The following GRID2 variants were observed in gnomAD, a reference collection of about 807,000 sequenced individuals.
GRID2 encodes glutamate ionotropic receptor delta type subunit 2.
In GRID2, 33 loss-of-function variants were observed where a neutral mutation model predicts 114.8. The ratio of observed to expected loss-of-function variants is 0.29; its 90% CI spans 0.22 to 0.38. The LOEUF is 0.38. GRID2 is among the 10% of genes least tolerant of loss of function. GRID2 has a pLI of 1.00. For synonymous variants in GRID2, 505 were observed against 449.9 expected (o/e 1.12, Z -1.55); for missense variants, 1,184 against 1,257.7 (o/e 0.94, Z 0.89).
At chr4:93,064,141 TAAC>T (rs1195161829) in intron 2 of GRID2, among the ~76,000 whole-genome samples, 6 of 149,828 alleles carry the variant, frequency 4.0e-5, no homozygotes, top group Admixed American at 2.0e-4. Context: ...ATATATATAA[TAAC>T]ATAATATTAA....
chr4:93,453,359 AGT>A (rs1553932534), intron 10 of GRID2, among the ~76,000 whole-genome samples: 89 of 121,290 alleles, frequency 7.3e-4, no homozygotes, highest in East Asian at 2.4e-3. Flanking sequence ...AGAGAGAGAG[AGT>A]GTGTGTATTT....
At chr4:92,804,106 A>G (rs1186638912) in intron 2 of GRID2, among the ~76,000 whole-genome samples, 2 of 151,978 alleles carry the variant, frequency 1.3e-5, no homozygotes, top group Admixed American at 6.6e-5. Context: ...TCCAAATTTC[A>G]TTCTTCATAT....
chr4:92,597,910 T>TATTTGGA (rs754945063), intron 2 of GRID2, among the ~76,000 whole-genome samples: 25 of 152,224 alleles, frequency 1.6e-4, no homozygotes, highest in Non-Finnish European at 3.1e-4. Flanking sequence ...GACTTCAGTA[T>TATTTGGA]ATTTGGAATT....
intron 2 of GRID2, among the ~76,000 whole-genome samples, chr4:92,968,235 A>G (rs1283931593): frequency 1.3e-5 from 2 of 151,954 alleles, no homozygotes; most frequent in African/African-American, 4.8e-5. Flanking sequence ...TAAGGTAGAT[A>G]CAATCTCCAT....
At chr4:92,374,253 C>T (rs564499729) in intron 1 of GRID2, among the ~76,000 whole-genome samples, 1 of 152,052 alleles carries the variant, frequency 6.6e-6, no homozygotes, top group Non-Finnish European at 1.5e-5. Flanking sequence ...AAAGGCTTTC[C>T]CTGCAAAGAA....
chr4:93,687,090 G>A (rs2110106480), intron 14 of GRID2, among the ~76,000 whole-genome samples: 1 of 152,158 alleles, frequency 6.6e-6, no homozygotes, highest in South Asian at 2.1e-4. Flanking sequence ...GAGACAGTGA[G>A]AAGTGTTCAG....
intron 1 of GRID2, among the ~76,000 whole-genome samples, chr4:92,312,824 TC>T (rs1463693778): frequency 6.6e-6 from 1 of 152,080 alleles, no homozygotes; most frequent in Non-Finnish European, 1.5e-5. Flanking sequence ...AGGGAACACT[TC>T]TACACTGCTG....
At chr4:93,304,247 T>C (rs1755173932) in intron 8 of GRID2, among the ~76,000 whole-genome samples, 1 of 103,680 alleles carries the variant, frequency 9.6e-6, no homozygotes, top group Admixed American at 1.2e-4. Context: ...ACTTTGGAAA[T>C]AATATTTTAA....
At chr4:93,625,786 G>A (rs1210972645) in intron 13 of GRID2, among the ~76,000 whole-genome samples, 4 of 152,024 alleles carry the variant, frequency 2.6e-5, no homozygotes, top group Non-Finnish European at 5.9e-5. Flanking sequence ...GCGGTGGTGG[G>A]CGCCTGTAGT....
intron 2 of GRID2, among the ~76,000 whole-genome samples, chr4:92,914,356 C>T (rs1286082469): frequency 6.6e-6 from 1 of 152,036 alleles, no homozygotes; most frequent in Non-Finnish European, 1.5e-5. Context: ...GTTTTTAACA[C>T]TTTAAAAGAA....
intron 3 of GRID2, among the ~76,000 whole-genome samples, chr4:93,092,895 A>G (rs777225890): frequency 3.9e-5 from 6 of 151,938 alleles, no homozygotes; most frequent in Non-Finnish European, 8.8e-5. Flanking sequence ...GGAGGAGAGT[A>G]TTGTACAGAG....
At chr4:93,034,858 TC>T (rs1416883131) in intron 2 of GRID2, among the ~76,000 whole-genome samples, 1 of 152,148 alleles carries the variant, frequency 6.6e-6, no homozygotes, top group Non-Finnish European at 1.5e-5. Context: ...GGGGTTAACT[TC>T]CGTTCTTCCT....
intron 3 of GRID2, 107 bp downstream of exon 3, chr4:93,085,386 T>C: frequency 1.2e-6 from 1 of 856,132 alleles, no homozygotes; most frequent in South Asian, 1.7e-5. Context: ...TATTTGTGGT[T>C]TTCTTGTCTT....
At chr4:93,069,156 C>T (rs989719785) in intron 2 of GRID2, among the ~76,000 whole-genome samples, 4 of 151,782 alleles carry the variant, frequency 2.6e-5, no homozygotes, top group African/African-American at 9.7e-5. Context: ...CAAGACACCA[C>T]CTCCAACATT....
At chr4:93,320,174 A>G (rs943773033) in intron 8 of GRID2, among the ~76,000 whole-genome samples, 1 of 152,146 alleles carries the variant, frequency 6.6e-6, no homozygotes, top group Non-Finnish European at 1.5e-5. Context: ...TGTTAGAAGA[A>G]GACAATTGGA....
In GRID2 at chr4:92,876,543, G is replaced by A. The variant is rs796650417; in HGVS notation, c.245-208452G>A. ...ATGATCTAGATCTCCTAACCTTGTG[G>A]AGACGCCCACCTCGGCCTCCCAAAG... On this transcript the variant is annotated intron_variant, in intron 2 of 15. Transcript: ENST00000282020. Among the ~76,000 whole-genome samples the A allele has an allele frequency of 1.1e-4, 16 of 152,152 alleles. 1 individual carries two copies. The highest frequency in any genetic ancestry group is 3.9e-4 in the African/African-American group (16 of 41,510).
intron 13 of GRID2, among the ~76,000 whole-genome samples, chr4:93,522,162 A>G (rs753873537): frequency 3.3e-5 from 5 of 152,138 alleles, no homozygotes; most frequent in Non-Finnish European, 5.9e-5. Context: ...AAGAGGAGAG[A>G]AGGACATAAG....
At chr4:92,872,880 T>C (rs1454227200) in intron 2 of GRID2, among the ~76,000 whole-genome samples, 1 of 152,194 alleles carries the variant, frequency 6.6e-6, no homozygotes, top group Admixed American at 6.5e-5. Flanking sequence ...TGTTTTGAAA[T>C]AATGCGGTAA....
intron 2 of GRID2, among the ~76,000 whole-genome samples, chr4:92,904,635 T>A (rs1747819688): frequency 6.6e-6 from 1 of 151,820 alleles, no homozygotes; most frequent in African/African-American, 2.4e-5. Flanking sequence ...AGGCCAGACC[T>A]CAAAAATAAT....
Sources: allele counts gnomAD v4.1 joint callset (sites outside exome capture counted in the v4.1 genomes callset), GRCh38; gene constraint gnomAD v4.1.1; transcripts MANE v1.5; gene names NCBI Gene and HGNC (gene_info 2026-07-23, HGNC 2026-07-21).